GPATCH2: variants seen among roughly 807,000 people sequenced by gnomAD.
GPATCH2 encodes G-patch domain containing 2.
GPATCH2 carries 51 observed loss-of-function variants against 58.0 expected under a neutral mutation model. That is an observed-to-expected ratio of 0.88 (90% CI 0.70 to 1.11). GPATCH2 has a LOEUF of 1.11. GPATCH2 is among the 50% of genes most tolerant of loss of function. GPATCH2 has a pLI of 0.00. For missense variants in GPATCH2, 625 were observed against 652.2 expected (o/e 0.96, Z 0.45); for synonymous variants, 222 against 218.5 (o/e 1.02, Z -0.14).
intron 5 of GPATCH2, among the ~76,000 whole-genome samples, chr1:217,575,411 T>G (rs1378128483): frequency 6.6e-6 from 1 of 152,142 alleles, no homozygotes; most frequent in Non-Finnish European, 1.5e-5. Flanking sequence ...CAATTTTGTT[T>G]CAAATGGCAT....
intron 8 of GPATCH2, 132 bp downstream of exon 8, chr1:217,491,548 C>T: frequency 2.3e-6 from 1 of 431,012 alleles, no homozygotes; most frequent in Non-Finnish European, 4.2e-6. Context: ...AAATAGATTC[C>T]AATAAACAAT....
At chr1:217,523,771 C>A (rs1461103482) in intron 5 of GPATCH2, among the ~76,000 whole-genome samples, 1 of 147,754 alleles carries the variant, frequency 6.8e-6, no homozygotes, top group East Asian at 2.1e-4. Context: ...CGCCCCTCAC[C>A]TCCCGGACGG....
chr1:217,541,758 C>T (rs1664753633), intron 5 of GPATCH2, among the ~76,000 whole-genome samples: 1 of 152,160 alleles, frequency 6.6e-6, no homozygotes, highest in Non-Finnish European at 1.5e-5. Context: ...TATTTATCAT[C>T]TACTATGTGT....
At chr1:217,551,122 G>GAA (rs1279180583) in intron 5 of GPATCH2, among the ~76,000 whole-genome samples, 1 of 143,124 alleles carries the variant, frequency 7.0e-6, no homozygotes, top group African/African-American at 2.5e-5. Context: ...CAGAAATCAT[G>GAA]AAAAAAAAAA....
intron 9 of GPATCH2, among the ~76,000 whole-genome samples, chr1:217,436,503 A>G (rs1658839847): frequency 6.6e-6 from 1 of 152,210 alleles, no homozygotes; most frequent in Non-Finnish European, 1.5e-5. Context: ...CTGATTCCCT[A>G]TAAGAATTTT....
intron 1 of GPATCH2, among the ~76,000 whole-genome samples, chr1:217,621,024 C>A (rs1322759520): frequency 1.3e-5 from 2 of 152,134 alleles, no homozygotes; most frequent in Non-Finnish European, 2.9e-5. Context: ...AAAGTTTAAC[C>A]AACACCATGC....
At chr1:217,443,149 C>T (rs191469687) in intron 9 of GPATCH2, among the ~76,000 whole-genome samples, 37 of 152,252 alleles carry the variant, frequency 2.4e-4, no homozygotes, top group Middle Eastern at 3.4e-3. Context: ...TTTTAGTACA[C>T]GCTCAACAAT....
intron 5 of GPATCH2, among the ~76,000 whole-genome samples, chr1:217,518,170 A>G (rs988333294): frequency 1.3e-5 from 2 of 152,170 alleles, no homozygotes; most frequent in Admixed American, 1.3e-4. Context: ...CTTTCTAGAT[A>G]ACATAACTTT....
rs1433229332 is a variant in GPATCH2, at chr1:217,548,252, C to T, written c.1099-33363G>A. On this transcript the variant is annotated intron_variant, in intron 5 of 9. Coordinates refer to ENST00000366935, the MANE Select transcript of GPATCH2 (RefSeq NM_018040.5). ...CAGAGAGGAAAAACAGACACTGGGG[C>T]CTATTGGAGGTTGTGGTGGGGGAAG... Among the ~76,000 whole-genome samples the T allele has an allele frequency of 2.6e-5, 4 of 151,662 alleles. No homozygotes were observed. In the East Asian group the frequency reaches 5.8e-4, roughly 22 times the overall value.
At chr1:217,494,612 G>A (rs1397683664) in intron 7 of GPATCH2, among the ~76,000 whole-genome samples, 2 of 151,930 alleles carry the variant, frequency 1.3e-5, no homozygotes, top group African/African-American at 4.8e-5. Context: ...GGTGGCAGGC[G>A]CCTGTAATTA....
rs539263968 is a variant in GPATCH2 at position 217,567,945 on chromosome 1, T to G, written c.1098+42376A>C. Among the ~76,000 whole-genome samples, 7 of 152,176 alleles carry G rather than the reference T, an allele frequency of 4.6e-5. No individual in the cohort carries two copies. The South Asian group carries it at 1.2e-3, about 27-fold the overall frequency. On this transcript the variant is annotated intron_variant, in intron 5 of 9. Transcript: ENST00000366935. ...TCCTGGCTAACATGGTGAAACCCCG[T>G]CTCCACTAAAAATACAAAAAAATTA...
intron 8 of GPATCH2, among the ~76,000 whole-genome samples, chr1:217,452,402 A>G (rs1471628004): frequency 1.3e-5 from 2 of 152,216 alleles, no homozygotes; most frequent in African/African-American, 4.8e-5. Context: ...ACGTTTCTTA[A>G]GAAACACATT....
chr1:217,433,325 C>A (rs927333299), intron 9 of GPATCH2, among the ~76,000 whole-genome samples: 2 of 148,254 alleles, frequency 1.3e-5, no homozygotes, highest in African/African-American at 5.0e-5. Context: ...TTGTGGTTAC[C>A]CAAATGGCCA....
At chr1:217,448,413 C>T (rs530184311) in intron 9 of GPATCH2, among the ~76,000 whole-genome samples, 75 of 152,220 alleles carry the variant, frequency 4.9e-4, no homozygotes, top group African/African-American at 1.7e-3. Flanking sequence ...TGCTGCATCA[C>T]AAATCCATTA....
intron 5 of GPATCH2, among the ~76,000 whole-genome samples, chr1:217,584,348 T>C (rs1056425872): frequency 1.1e-4 from 6 of 55,526 alleles, no homozygotes; most frequent in Non-Finnish European, 2.4e-4. Context: ...AAAAAAAATA[T>C]ATATATATAT....
chr1:217,510,894 A>G (rs1230808651), intron 6 of GPATCH2, among the ~76,000 whole-genome samples: 3 of 152,092 alleles, frequency 2.0e-5, no homozygotes, highest in South Asian at 2.1e-4. Flanking sequence ...GGAGTTTGAG[A>G]CCAGCCTGGC....
At chr1:217,544,651 TG>T (rs1664939058) in intron 5 of GPATCH2, among the ~76,000 whole-genome samples, 1 of 152,144 alleles carries the variant, frequency 6.6e-6, no homozygotes, top group Admixed American at 6.5e-5. Context: ...TCAATGTATG[TG>T]CAAGTGGGCA....
intron 6 of GPATCH2, among the ~76,000 whole-genome samples, chr1:217,503,296 A>G (rs1662392940): frequency 6.6e-6 from 1 of 152,142 alleles, no homozygotes; most frequent in African/African-American, 2.4e-5. Context: ...TGACGTAGGA[A>G]GAAATCAGGA....
chr1:217,625,185 G>T (rs984932096), intron 1 of GPATCH2, among the ~76,000 whole-genome samples: 1 of 152,136 alleles, frequency 6.6e-6, no homozygotes, highest in Non-Finnish European at 1.5e-5. Flanking sequence ...TTATCCTTGG[G>T]TTCCTGATCT....
Sources: allele counts gnomAD v4.1 joint callset (sites outside exome capture counted in the v4.1 genomes callset), GRCh38; gene constraint gnomAD v4.1.1; transcripts MANE v1.5; gene names NCBI Gene and HGNC (gene_info 2026-07-23, HGNC 2026-07-21).